Variants in BUD23 observed in about 807,000 individuals in gnomAD.
The protein encoded by BUD23 is 18S rRNA (guanine-N(7))-methyltransferase.
BUD23 carries 34 observed loss-of-function variants against 47.0 expected under a neutral mutation model. The ratio of observed to expected loss-of-function variants is 0.72; its 90% CI spans 0.55 to 0.96. The LOEUF (loss-of-function observed/expected upper bound fraction) is 0.96, where lower values mean the gene tolerates loss of function less well. BUD23 is among the 40% of genes least tolerant of loss of function. The pLI, the probability that BUD23 is intolerant of heterozygous loss-of-function variation, is 0.00. For synonymous variants in BUD23, 124 were observed against 132.0 expected (o/e 0.94, Z 0.41); for missense variants, 343 against 361.2 (o/e 0.95, Z 0.41).
At chr7:73,685,566 C>T (rs1479969008) in intron 2 of BUD23, among the ~76,000 whole-genome samples, 2 of 152,082 alleles carry the variant, frequency 1.3e-5, no homozygotes, top group Admixed American at 6.5e-5. Context: ...TCCTCGCGCC[C>T]GACTAGTTTG....
intron 5 of BUD23, among the ~76,000 whole-genome samples, chr7:73,690,535 G>A (rs1316578529): frequency 2.0e-5 from 3 of 152,190 alleles, no homozygotes; most frequent in African/African-American, 4.8e-5. Flanking sequence ...GGTTTCTTGG[G>A]ACTATGGGAC....
intron 10 of BUD23, 133 bp from the exon 11 acceptor site, chr7:73,697,472 T>C: frequency 6.5e-7 from 1 of 1,549,722 alleles, no homozygotes; most frequent in Non-Finnish European, 8.7e-7. Flanking sequence ...ATAGGGAAGG[T>C]GGAGCATTTG....
chr7:73,692,460 A>G, intron 6 of BUD23, 136 bp from the exon 7 acceptor site: 1 of 737,954 alleles, frequency 1.4e-6, no homozygotes, highest in Non-Finnish European at 2.1e-6. Context: ...TTTTGTTCAT[A>G]CTATCCCCAG....
intron 4 of BUD23, 49 bp from the exon 5 acceptor site, chr7:73,686,950 A>G: frequency 6.2e-7 from 1 of 1,613,680 alleles, no homozygotes; most frequent in Non-Finnish European, 8.5e-7. Flanking sequence ...ATGGGTGTGG[A>G]GAAGCCACAG....
intron 3 of BUD23, 33 bp downstream of exon 3, chr7:73,686,764 AGGT>A: frequency 1.2e-6 from 2 of 1,614,050 alleles, no homozygotes; most frequent in Non-Finnish European, 1.7e-6. Flanking sequence ...AGATTGTCTA[AGGT>A]GGTGAAGTGT....
At chr7:73,693,874 C>A in intron 9 of BUD23, 118 bp from the exon 10 acceptor site, 3 of 1,398,034 alleles carry the variant, frequency 2.1e-6, no homozygotes, top group Non-Finnish European at 3.0e-6. Context: ...AGTTCCTTCT[C>A]GTGGGACTGG....
chr7:73,697,781 G>A, intron 11 of BUD23, 51 bp from the exon 12 acceptor site: 1 of 1,612,334 alleles, frequency 6.2e-7, no homozygotes, highest in Admixed American at 1.7e-5. Context: ...AAGGGTCCAG[G>A]GCTGCTTTGA....
Position 73,697,978 on chromosome 7 carries a change from T to G in BUD23, c.*92T>G, listed in dbSNP as rs911965848. On this transcript the variant is annotated 3_prime_UTR_variant, in exon 12 of 12. Coordinates refer to ENST00000265758, the MANE Select transcript of BUD23 (RefSeq NM_017528.5). ...GTATTTTAGAAAAGTTCTAAAGTTA[T>G]AAAAATGTTTTCTGCAGTAAAAAAA... 24 of 1,467,260 alleles carry G rather than the reference T, an allele frequency of 1.6e-5. No individual in the cohort carries two copies. Among genetic ancestry groups the G allele is most frequent in the Non-Finnish European group, 2.1e-5 (23 of 1,098,500 alleles). 90.9% of individuals were successfully genotyped at this position (1,467,260 alleles called of 1,614,324 possible). A position where few individuals can be genotyped will look rare whatever the true frequency, so the allele number is the denominator to read the frequency against.
rs1469584064 is a variant in BUD23 at position 73,683,746 on chromosome 7, G to A, written c.49-21G>A. The A allele has an allele frequency of 1.1e-5, 17 of 1,614,038 alleles. No homozygotes were observed. In the East Asian group the frequency reaches 1.3e-4, roughly 13 times the overall value. On this transcript the variant is annotated intron_variant, in intron 1 of 11. Coordinates refer to ENST00000265758, the MANE Select transcript of BUD23 (RefSeq NM_017528.5). Reference sequence around the variant, plus strand: ...CCGCGTCTGAATTATTCCTCTACATGCCATTTTCTCTTTTTCGCAGTTTTA... The same window carrying A: ...CCGCGTCTGAATTATTCCTCTACATACCATTTTCTCTTTTTCGCAGTTTTA...
At chr7:73,685,140 T>C (rs565691246) in intron 2 of BUD23, among the ~76,000 whole-genome samples, 16 of 151,556 alleles carry the variant, frequency 1.1e-4, no homozygotes, top group Middle Eastern at 6.8e-3. Context: ...AAATCCCGTC[T>C]CTACTGAAAA....
intron 7 of BUD23, 30 bp downstream of exon 7, chr7:73,692,676 G>GGA (rs781801200): frequency 1.1e-5 from 17 of 1,604,550 alleles, no homozygotes; most frequent in Non-Finnish European, 1.4e-5. Flanking sequence ...GGTGTGCCGG[G>GGA]GAGTTGGGGG....
Position 73,693,644 on chromosome 7 carries a change from C to G in BUD23, c.617C>G (p.Ser206Cys). The G allele has an allele frequency of 1.2e-6, 2 of 1,614,186 alleles. No homozygotes were observed. Among genetic ancestry groups the G allele is most frequent in the Non-Finnish European group, 1.7e-6 (2 of 1,180,024 alleles). The change falls in exon 9 of 12, where the codon TCT becomes TGT. Residue 206 changes from serine to cysteine, a missense_variant. Coordinates refer to ENST00000265758, the MANE Select transcript of BUD23 (RefSeq NM_017528.5). Reference sequence around the variant, plus strand: ...TTCAGATTCTACCTCTGCTTGTTTTCTGGGCCTTCGACCTTTATACCAGAG... The same window carrying G: ...TTCAGATTCTACCTCTGCTTGTTTTGTGGGCCTTCGACCTTTATACCAGAG... ...KAKKFYLCLF[S>C]GPSTFIPEGL...
chr7:73,686,736 G>A lies in BUD23; in HGVS notation c.182+5G>A. On this transcript the variant is annotated splice_donor_5th_base_variant and intron_variant, in intron 3 of 11. Coordinates refer to ENST00000265758, the MANE Select transcript of BUD23 (RefSeq NM_017528.5). ...CTGTTACCTGCTGGATATTGGGTGA[G>A]ATTCTGGGGCCTGGTTCAGATTGTC... 1 of 1,614,216 alleles carries A rather than the reference G, an allele frequency of 6.2e-7. No homozygotes were observed. The highest frequency in any genetic ancestry group is 8.5e-7 in the Non-Finnish European group (1 of 1,180,038).
In BUD23 at chr7:73,683,610, C is replaced by T. The variant is rs782153906; in HGVS notation, c.-16C>T. 2.5e-6 allele frequency: 4 copies of T among 1,603,056 alleles called. No homozygotes were observed. The highest frequency in any genetic ancestry group is 1.7e-5 in the Admixed American group (1 of 58,160). ...CCGGCAGGCGCCAGTCGCAGGTGTG[C>T]TGCTGAGGCGTGAGAATGGCGTCCC... On this transcript the variant is annotated 5_prime_UTR_variant, in exon 1 of 12. Transcript: ENST00000265758.
At chr7:73,686,419 C>T (rs1797968688) in intron 2 of BUD23, among the ~76,000 whole-genome samples, 1 of 152,196 alleles carries the variant, frequency 6.6e-6, no homozygotes, top group Non-Finnish European at 1.5e-5. Context: ...CACAAAATAA[C>T]ATGGTCCTGA....
rs530964102 is a variant in BUD23 at position 73,693,434 on chromosome 7, G to C, written c.596+20G>C. On this transcript the variant is annotated intron_variant, in intron 8 of 11. Transcript: ENST00000265758. ...AAAGAAGTGAGCGCTGGGGGCCGGTGTGCTGCCTGGGCTGCAGGAGGGAGG... is the reference window on the plus strand; with the variant it reads ...AAAGAAGTGAGCGCTGGGGGCCGGTCTGCTGCCTGGGCTGCAGGAGGGAGG... 6.2e-7 allele frequency: 1 copy of C among 1,613,884 alleles called. No homozygotes were observed. Among genetic ancestry groups the C allele is most frequent in the South Asian group, 1.1e-5 (1 of 91,074 alleles).
At position 73,686,848 on chromosome 7, in the gene BUD23, G is replaced by A. The variant is rs782723894; in HGVS notation, c.213G>A (p.Leu71=). The part of the protein sequence containing the change: ...GCGTGLSGSY[L]SDEGHYWVGL... ...GCACTGGGCTGAGTGGAAGTTATCT[G>A]TCAGATGAAGGGCACTATTGGGTGG... is the stretch of plus-strand genomic sequence containing the variant. Residue 71 remains leucine (L), a synonymous_variant, in exon 4 of 12, where the codon CTG becomes CTA. Transcript: ENST00000265758. 2 of 1,614,218 alleles carry A rather than the reference G, an allele frequency of 1.2e-6. No homozygotes were observed. Among genetic ancestry groups the A allele is most frequent in the East Asian group, 2.2e-5 (1 of 44,888 alleles).
intron 5 of BUD23, among the ~76,000 whole-genome samples, chr7:73,688,220 C>T (rs1798054779): frequency 6.6e-6 from 1 of 151,858 alleles, no homozygotes; most frequent in South Asian, 2.1e-4. Context: ...TGGTGGTGGC[C>T]ACCTGTAGTC....
At chr7:73,693,288 C>G (rs145565518) in intron 7 of BUD23, 41 bp from the exon 8 acceptor site, 1 of 1,577,954 alleles carries the variant, frequency 6.3e-7, no homozygotes, top group African/African-American at 1.3e-5. Flanking sequence ...GTCTGCTCCT[C>G]TCAACCTCCG....
Sources: gnomAD v4.1 joint callset for allele counts (sites outside exome capture counted in the v4.1 genomes callset) on GRCh38, gnomAD v4.1.1 for gene constraint, MANE v1.5 for transcripts, NCBI Gene and HGNC (gene_info 2026-07-23, HGNC 2026-07-21) for gene names.